FAF1: variants seen among roughly 807,000 people sequenced by gnomAD.
FAF1 encodes FAS-associated factor 1.
Under a neutral mutation model 92.5 loss-of-function variants are expected in FAF1, and 25 were observed. The ratio of observed to expected loss-of-function variants is 0.27; its 90% CI spans 0.20 to 0.38. The LOEUF (loss-of-function observed/expected upper bound fraction) is 0.38. Among genes scored for constraint, FAF1 ranks in the 10% least tolerant of loss-of-function variants. FAF1 has a pLI of 1.00. For missense variants in FAF1, 636 were observed against 793.3 expected, an observed-to-expected ratio of 0.80 and a Z score of 2.38; for synonymous variants, 234 against 273.2, an observed-to-expected ratio of 0.86 and a Z score of 1.42.
chr1:50,448,841 G>A (rs1269421240), intron 18 of FAF1, among the ~76,000 whole-genome samples: 1 of 151,714 alleles, frequency 6.6e-6, no homozygotes, highest in Non-Finnish European at 1.5e-5. Context: ...AAGTGAAAGG[G>A]TATTATTTAA....
At chr1:50,860,923 C>T (rs1283270397) in intron 1 of FAF1, among the ~76,000 whole-genome samples, 1 of 151,870 alleles carries the variant, frequency 6.6e-6, no homozygotes, top group Non-Finnish European at 1.5e-5. Flanking sequence ...TACGTCATGT[C>T]CTTTGCAGCA....
In FAF1 at chr1:50,575,065, C is replaced by T. The variant is rs549020669; in HGVS notation, c.1113+7553G>A. Among the ~76,000 whole-genome samples the T allele has an allele frequency of 5.9e-5, 9 of 151,872 alleles. No individual in the cohort carries two copies. In the South Asian group the frequency reaches 1.5e-3, roughly 25 times the overall value. ...CTGGGACTACAGGCACCCGCCACCA[C>T]GCCCGGCTAATTTTTTGTATTTTTA... On this transcript the variant is annotated intron_variant, in intron 12 of 18. Transcript: ENST00000396153.
At chr1:50,899,256 T>C (rs1032514878) in intron 1 of FAF1, among the ~76,000 whole-genome samples, 6 of 152,214 alleles carry the variant, frequency 3.9e-5, no homozygotes, top group Non-Finnish European at 5.9e-5. Context: ...CCTTAACCTA[T>C]TCATGCTTTC....
chr1:50,491,780 T>C lies in FAF1; in HGVS notation c.1516A>G (p.Asn506Asp). 6.2e-7 allele frequency: 1 copy of C among 1,612,438 alleles called. No homozygotes were observed. The highest frequency in any genetic ancestry group is 8.5e-7 in the Non-Finnish European group (1 of 1,179,352). The change falls in exon 16 of 19, where the codon AAT (asparagine) becomes GAT (aspartate). Residue 506 changes from asparagine to aspartate, a missense_variant. Asn to Asp is a conservative substitution (Grantham distance 23). This residue lies in a region of FAF1 where 319 missense variants were observed against 451.0 expected (regional missense o/e 0.71). Coordinates refer to ENST00000396153, the MANE Select transcript of FAF1 (RefSeq NM_007051.3). ...KDEDEREARE[N>D]VKREQDEAYR... Reference sequence around the variant, plus strand: ...GCCTCATCTTGCTCTCTCTTCACATTTTCTCTGGCTTCACGTTCATCCTTA... The same window carrying C: ...GCCTCATCTTGCTCTCTCTTCACATCTTCTCTGGCTTCACGTTCATCCTTA...
intron 8 of FAF1, among the ~76,000 whole-genome samples, chr1:50,619,909 C>CTTTTTT (rs869279028): frequency 7.1e-6 from 1 of 140,280 alleles, no homozygotes; most frequent in Non-Finnish European, 1.6e-5. Flanking sequence ...CTCTCTCTCT[C>CTTTTTT]TTTTTTTTTT....
intron 16 of FAF1, among the ~76,000 whole-genome samples, chr1:50,490,950 C>T (rs1468712577): frequency 6.6e-6 from 1 of 152,132 alleles, no homozygotes; most frequent in Non-Finnish European, 1.5e-5. Context: ...TTCAGGACAT[C>T]CTTTGGTCTT....
chr1:50,771,848 C>A (rs1414174572), intron 4 of FAF1, among the ~76,000 whole-genome samples: 1 of 152,170 alleles, frequency 6.6e-6, no homozygotes, highest in Non-Finnish European at 1.5e-5. Flanking sequence ...TTGCAGTGAG[C>A]CAAGATCGTG....
At chr1:50,662,711 T>G (rs1350630008) in intron 7 of FAF1, among the ~76,000 whole-genome samples, 2 of 115,082 alleles carry the variant, frequency 1.7e-5, no homozygotes, top group Non-Finnish European at 3.5e-5. Context: ...TTTTTTTTTT[T>G]TTGAGACGGA....
At chr1:50,650,399 A>T (rs1279224190) in intron 8 of FAF1, among the ~76,000 whole-genome samples, 1 of 151,922 alleles carries the variant, frequency 6.6e-6, no homozygotes, top group Non-Finnish European at 1.5e-5. Flanking sequence ...TGAGGCCAAG[A>T]GTTCGAGGCC....
At chr1:50,764,509 C>A (rs1405670154) in intron 4 of FAF1, among the ~76,000 whole-genome samples, 10 of 152,170 alleles carry the variant, frequency 6.6e-5, no homozygotes, top group Non-Finnish European at 1.2e-4. Context: ...TTTAACTCTG[C>A]AGGACCGTTG....
At position 50,865,354 on chromosome 1, in the gene FAF1, C is replaced by T. The variant is rs1312632890; in HGVS notation, c.46-7357G>A. On this transcript the variant is annotated intron_variant, in intron 1 of 18. Transcript: ENST00000396153. ...CATTACTGGGTATATACCCAAAGGA[C>T]TATAAATCATGCTGCTATAAAGACA... Among the ~76,000 whole-genome samples, 34 of 150,458 alleles carry T rather than the reference C, an allele frequency of 2.3e-4. No homozygotes were observed. In the East Asian group the frequency reaches 2.5e-3, roughly 11 times the overall value.
At chr1:50,868,214 C>T (rs1330996260) in intron 1 of FAF1, among the ~76,000 whole-genome samples, 1 of 152,148 alleles carries the variant, frequency 6.6e-6, no homozygotes, top group Non-Finnish European at 1.5e-5. Context: ...AAAGACTACA[C>T]ATTGTGTACA....
intron 6 of FAF1, among the ~76,000 whole-genome samples, chr1:50,712,738 G>C (rs928394563): frequency 5.9e-5 from 9 of 152,246 alleles, no homozygotes; most frequent in Admixed American, 1.3e-4. Context: ...ACTGATCCTA[G>C]CTTCTAAAGC....
intron 15 of FAF1, among the ~76,000 whole-genome samples, chr1:50,498,626 G>C (rs1179338671): frequency 1.3e-5 from 2 of 152,146 alleles, no homozygotes; most frequent in African/African-American, 4.8e-5. Flanking sequence ...AAGGTGGGTG[G>C]ATCACCTGAG....
intron 1 of FAF1, among the ~76,000 whole-genome samples, chr1:50,954,225 C>T (rs1487550199): frequency 2.6e-5 from 4 of 152,084 alleles, no homozygotes; most frequent in Non-Finnish European, 5.9e-5. Context: ...CCACGCCAGG[C>T]CAAGAATACT....
At chr1:50,655,324 A>G in intron 8 of FAF1, 118 bp downstream of exon 8, 3 of 768,122 alleles carry the variant, frequency 3.9e-6, no homozygotes, top group Admixed American at 2.1e-5. Flanking sequence ...GCCTGGCTAG[A>G]TAATTCTTTC....
chr1:50,892,308 G>A (rs1285791942), intron 1 of FAF1, among the ~76,000 whole-genome samples: 1 of 152,174 alleles, frequency 6.6e-6, no homozygotes, highest in Non-Finnish European at 1.5e-5. Context: ...ATGCTTCCTG[G>A]GTGAGATGAT....
chr1:50,469,928 T>G (rs1646549726), intron 18 of FAF1, among the ~76,000 whole-genome samples: 1 of 152,184 alleles, frequency 6.6e-6, no homozygotes. Flanking sequence ...ATAAAATAAC[T>G]GAGGGGAATG....
At chr1:50,582,262 C>T (rs1651025854) in intron 12 of FAF1, 1 of 192,684 alleles carries the variant, frequency 5.2e-6, no homozygotes, top group Non-Finnish European at 1.1e-5. Flanking sequence ...TATTTCAGTG[C>T]TTCACAAGGC....
Sources: gnomAD v4.1 joint callset for allele counts (sites outside exome capture counted in the v4.1 genomes callset) on GRCh38, gnomAD v4.1.1 for gene constraint, gnomAD v4.1.1 regional missense constraint, MANE v1.5 for transcripts, NCBI Gene and HGNC (gene_info 2026-07-23, HGNC 2026-07-21) for gene names.